The following CELF2 variants were observed in gnomAD, a reference collection of about 807,000 sequenced individuals.
CELF2 encodes CUG triplet repeat RNA-binding protein 2.
CELF2 carries 8 observed loss-of-function variants against 62.6 expected under a neutral mutation model. The observed-to-expected ratio is 0.13, with a 90% CI of 0.07 to 0.23. CELF2 has a LOEUF of 0.23. CELF2 is among the 10% of genes least tolerant of loss of function. The pLI is 1.00. For synonymous variants in CELF2, 258 were observed against 250.0 expected, an observed-to-expected ratio of 1.03 and a Z score of -0.30; for missense variants, 333 against 671.0, an observed-to-expected ratio of 0.50 and a Z score of 5.56.
chr10:11,026,165 C>T (rs766607166), intron 1 of CELF2, among the ~76,000 whole-genome samples: 13 of 152,346 alleles, frequency 8.5e-5, no homozygotes, highest in Non-Finnish European at 1.2e-4. Flanking sequence ...ACACCCCCTA[C>T]CTTGTGCCTC....
At chr10:10,545,549 T>A in the CELF2 span, among the ~76,000 whole-genome samples, 1 of 152,338 alleles carries the variant, frequency 6.6e-6, no homozygotes, top group East Asian at 1.9e-4. Flanking sequence ...TTCTGGAAAA[T>A]GCGGCCACAT....
rs2142329372 is a variant in CELF2 at position 11,098,358 on chromosome 10, C to G, written c.75-67128C>G. 6.6e-6 allele frequency: 1 copy of G among 152,356 alleles called. No individual in the cohort carries two copies. Among genetic ancestry groups the G allele is most frequent in the Non-Finnish European group, 1.5e-5 (1 of 68,092 alleles). The allele number at this position is 152,356 out of a possible 1,614,324, so 9.4% of individuals were successfully genotyped here. The stretch of plus-strand genomic sequence containing the variant: ...CAGCAGAGAGCAGTAGACCCTGTCT[C>G]CAAGCCGTGGCAAGTGTCTAATTCT... On this transcript the variant is annotated intron_variant, in intron 1 of 12. Coordinates refer to ENST00000633077, the MANE Select transcript of CELF2 (RefSeq NM_001326342.2). The surrounding 1 kb of genome is among the most constrained non-coding windows in gnomAD (Gnocchi z 4.0).
intron 8 of CELF2, among the ~76,000 whole-genome samples, chr10:11,286,447 A>G (rs1467116199): frequency 6.6e-6 from 1 of 152,250 alleles, no homozygotes; most frequent in African/African-American, 2.4e-5. Flanking sequence ...GAGGGCATGG[A>G]CAGACCTGCG....
chr10:10,547,281 C>T, the CELF2 span, among the ~76,000 whole-genome samples: 1 of 152,172 alleles, frequency 6.6e-6, no homozygotes, highest in Non-Finnish European at 1.5e-5. Context: ...CACTAGCCAG[C>T]CACCTGACCC....
At chr10:11,066,533 C>T (rs1054694355) in intron 1 of CELF2, among the ~76,000 whole-genome samples, 7 of 152,152 alleles carry the variant, frequency 4.6e-5, no homozygotes, top group African/African-American at 1.4e-4. Flanking sequence ...CTCTTAACCA[C>T]AGTAGTGAAA....
At chr10:11,196,544 G>A (rs1257606449) in intron 2 of CELF2, among the ~76,000 whole-genome samples, 2 of 152,088 alleles carry the variant, frequency 1.3e-5, no homozygotes, top group African/African-American at 4.8e-5. Flanking sequence ...GTTCATGCCG[G>A]TGGTCCCAGC....
intron 1 of CELF2, among the ~76,000 whole-genome samples, chr10:10,884,685 G>T (rs895078031): frequency 1.3e-5 from 2 of 152,118 alleles, no homozygotes; most frequent in African/African-American, 4.8e-5. Flanking sequence ...TCTAGAATAT[G>T]TCTTATACTT....
At chr10:10,823,196 T>C (rs1007049263) in intron 1 of CELF2, among the ~76,000 whole-genome samples, 2 of 152,232 alleles carry the variant, frequency 1.3e-5, no homozygotes, top group Admixed American at 6.5e-5. Context: ...AGAAAAAATA[T>C]AGGTATGGCC....
chr10:11,081,547 G>T (rs940883166), intron 1 of CELF2, among the ~76,000 whole-genome samples: 1 of 151,978 alleles, frequency 6.6e-6, no homozygotes, highest in Non-Finnish European at 1.5e-5. Flanking sequence ...TGGCACTGAG[G>T]GATCAGATAC....
intron 1 of CELF2, among the ~76,000 whole-genome samples, chr10:11,018,437 G>A (rs1593225172): frequency 1.3e-5 from 2 of 151,264 alleles, no homozygotes; most frequent in Admixed American, 6.6e-5. Flanking sequence ...TCCGGGTGAG[G>A]ACCAGCGGGC....
the CELF2 span, among the ~76,000 whole-genome samples, chr10:10,603,057 T>C: frequency 1.3e-5 from 2 of 152,004 alleles, no homozygotes; most frequent in Non-Finnish European, 2.9e-5. Flanking sequence ...CAAGTAGACA[T>C]AAAGCTGTTC....
At chr10:10,866,769 A>G (rs1284111862) in intron 1 of CELF2, among the ~76,000 whole-genome samples, 1 of 151,384 alleles carries the variant, frequency 6.6e-6, no homozygotes, top group African/African-American at 2.4e-5. Context: ...AAAAACAAAA[A>G]ATTAGATGGG....
chr10:10,923,910 G>A (rs2065166150), intron 2 of CELF2: 1 of 152,104 alleles, frequency 6.6e-6, no homozygotes, highest in South Asian at 2.1e-4. Flanking sequence ...GGACAATTTA[G>A]CAATCTGAGC....
the CELF2 span, among the ~76,000 whole-genome samples, chr10:10,698,987 C>G: frequency 6.6e-6 from 1 of 151,784 alleles, no homozygotes; most frequent in Admixed American, 6.6e-5. Flanking sequence ...ATATAACATA[C>G]TAGTAAATTA....
chr10:10,742,400 G>C, the CELF2 span, among the ~76,000 whole-genome samples: 1 of 151,934 alleles, frequency 6.6e-6, no homozygotes, highest in Non-Finnish European at 1.5e-5. Context: ...ATGCTTAGGT[G>C]GACAGACTGC....
At chr10:10,810,790 G>A (rs955001230) in intron 1 of CELF2, among the ~76,000 whole-genome samples, 1 of 152,224 alleles carries the variant, frequency 6.6e-6, no homozygotes, top group Non-Finnish European at 1.5e-5. Flanking sequence ...AGTGGGTAGA[G>A]TGAGTGCCAT....
chr10:10,906,545 TTGACCA>T (rs1044601696), intron 1 of CELF2, among the ~76,000 whole-genome samples: 1 of 152,164 alleles, frequency 6.6e-6, no homozygotes. Context: ...TAAGCTGATA[TTGACCA>T]TGTGCTCTAT....
chr10:10,623,382 C>T, the CELF2 span, among the ~76,000 whole-genome samples: 1 of 152,128 alleles, frequency 6.6e-6, no homozygotes. Context: ...TAATTTACTC[C>T]GAATTACCTC....
chr10:11,152,972 G>A (rs1055607025), intron 1 of CELF2, among the ~76,000 whole-genome samples: 7 of 152,114 alleles, frequency 4.6e-5, no homozygotes, highest in African/African-American at 1.2e-4. Context: ...AATCTTCCAC[G>A]GTCAGACTTA....
Sources: gnomAD v4.1 joint callset for allele counts (sites outside exome capture counted in the v4.1 genomes callset) on GRCh38, gnomAD v4.1.1 for gene constraint, Gnocchi (gnomAD v3.1) non-coding constraint, MANE v1.5 for transcripts, NCBI Gene and HGNC (gene_info 2026-07-23, HGNC 2026-07-21) for gene names.